LSAMP: variants seen among roughly 807,000 people sequenced by gnomAD.
The protein encoded by LSAMP is limbic system associated membrane protein, also known as limbic system-associated membrane protein.
Under a neutral mutation model 38.6 loss-of-function variants are expected in LSAMP, and 7 were observed. That is an observed-to-expected ratio of 0.18 (90% confidence interval 0.10 to 0.34). The LOEUF (loss-of-function observed/expected upper bound fraction) is 0.34, where lower values mean the gene tolerates loss of function less well. LSAMP is among the 10% of genes least tolerant of loss of function. The pLI, the probability that LSAMP is intolerant of heterozygous loss-of-function variation, is 1.00. For synonymous variants in LSAMP, 154 were observed against 166.8 expected, an observed-to-expected ratio of 0.92 and a Z score of 0.59; for missense variants, 313 against 420.0, an observed-to-expected ratio of 0.75 and a Z score of 2.23.
intron 3 of LSAMP, among the ~76,000 whole-genome samples, chr3:115,860,932 A>G (rs1454710045): frequency 6.6e-6 from 1 of 151,830 alleles, no homozygotes; most frequent in African/African-American, 2.4e-5. Flanking sequence ...TGGTTTGAGG[A>G]CTCTGGATTT....
In LSAMP at chr3:116,169,315, A is replaced by T. The variant is rs539601513; in HGVS notation, c.156-82759T>A. 2.6e-5 allele frequency among the ~76,000 whole-genome samples: 4 copies of T among 152,328 alleles called. No individual in the cohort carries two copies. In the East Asian group the frequency reaches 7.7e-4, roughly 29 times the overall value. On this transcript the variant is annotated intron_variant, in intron 1 of 6. Transcript: ENST00000490035. ...CAAAACTTAAATTGCTTTTCTCCCA[A>T]AATGGCTGTAGTGAATCTAGAAGTG...
chr3:115,922,472 T>C (rs1238365036), intron 3 of LSAMP, among the ~76,000 whole-genome samples: 2 of 152,168 alleles, frequency 1.3e-5, no homozygotes, highest in Non-Finnish European at 2.9e-5. Context: ...TTGTTCATCA[T>C]TATTATTTTG....
intron 1 of LSAMP, among the ~76,000 whole-genome samples, chr3:116,292,566 T>C (rs897147222): frequency 5.3e-5 from 8 of 152,146 alleles, no homozygotes; most frequent in Admixed American, 5.2e-4. Flanking sequence ...GAGAAATCAA[T>C]AGGGCAAGGG....
At chr3:116,149,391 A>T (rs1354524233) in intron 1 of LSAMP, among the ~76,000 whole-genome samples, 1 of 151,940 alleles carries the variant, frequency 6.6e-6, no homozygotes, top group African/African-American at 2.4e-5. Context: ...CCTGACCATT[A>T]AACCTGGCTT....
At chr3:116,309,209 C>G (rs1274748338) in intron 1 of LSAMP, among the ~76,000 whole-genome samples, 2 of 152,084 alleles carry the variant, frequency 1.3e-5, no homozygotes, top group Non-Finnish European at 2.9e-5. Flanking sequence ...ATTTAGTTGA[C>G]AGCATCCTTC....
intron 2 of LSAMP, among the ~76,000 whole-genome samples, chr3:116,026,601 A>G (rs1188689348): frequency 6.6e-6 from 1 of 152,198 alleles, no homozygotes; most frequent in African/African-American, 2.4e-5. Context: ...TTGGACAAGG[A>G]GTGGGTACAA....
At chr3:115,894,745 A>G (rs1936686484) in intron 3 of LSAMP, among the ~76,000 whole-genome samples, 2 of 152,108 alleles carry the variant, frequency 1.3e-5, no homozygotes, top group African/African-American at 4.8e-5. Flanking sequence ...AAAATTTAAA[A>G]TCAATCTTGT....
chr3:116,086,210 A>G (rs1277811628), intron 2 of LSAMP, 114 bp downstream of exon 2: 1 of 886,972 alleles, frequency 1.1e-6, no homozygotes, highest in Non-Finnish European at 1.8e-6. Context: ...CTTAAGTCCA[A>G]TAATATCTTT....
In LSAMP at chr3:116,407,913, G is replaced by A. The variant is rs115930600; in HGVS notation, c.155+36964C>T. On this transcript the variant is annotated intron_variant, in intron 1 of 6. Coordinates refer to ENST00000490035, the MANE Select transcript of LSAMP (RefSeq NM_002338.5). ...TACAAACAGAGTCAGGCTCTAACAA[G>A]TTTCATCCTATTTTATATAGTATTA... 5.4e-3 allele frequency among the ~76,000 whole-genome samples: 822 copies of A among 152,066 alleles called. 2 individuals carry two copies. Among genetic ancestry groups the A allele is most frequent in the Non-Finnish European group, 9.7e-3 (658 of 67,952 alleles).
At chr3:116,299,389 G>A in intron 1 of LSAMP, among the ~76,000 whole-genome samples, 1 of 152,182 alleles carries the variant, frequency 6.6e-6, no homozygotes, top group East Asian at 1.9e-4. Flanking sequence ...AGATTCTGCA[G>A]AACCACACGA....
chr3:116,112,153 A>G (rs1181847568), intron 1 of LSAMP, among the ~76,000 whole-genome samples: 1 of 152,258 alleles, frequency 6.6e-6, no homozygotes, highest in Non-Finnish European at 1.5e-5. Context: ...CTAAATAGCT[A>G]TAACAGAGAA....
At chr3:115,861,882 G>A (rs569540799) in intron 3 of LSAMP, among the ~76,000 whole-genome samples, 59 of 152,238 alleles carry the variant, frequency 3.9e-4, no homozygotes, top group African/African-American at 1.3e-3. Context: ...CTGGAGCAGG[G>A]ACTGCAGAAC....
chr3:116,026,330 A>G (rs1940791836), intron 2 of LSAMP, among the ~76,000 whole-genome samples: 3 of 152,166 alleles, frequency 2.0e-5, no homozygotes, highest in Non-Finnish European at 4.4e-5. Flanking sequence ...CCCAGAGTTG[A>G]CTGTCCAGAG....
intron 1 of LSAMP, among the ~76,000 whole-genome samples, chr3:116,100,717 G>T (rs891284514): frequency 3.9e-5 from 6 of 151,988 alleles, no homozygotes; most frequent in Admixed American, 6.6e-5. Flanking sequence ...AATGTTCGTG[G>T]TCTTTTTACC....
intron 1 of LSAMP, among the ~76,000 whole-genome samples, chr3:116,089,806 TAAAAA>T (rs1708078433): frequency 1.3e-5 from 2 of 151,718 alleles, no homozygotes; most frequent in Admixed American, 1.3e-4. Context: ...AATAAATAAA[TAAAAA>T]TAAAATAAAA....
intron 2 of LSAMP, among the ~76,000 whole-genome samples, chr3:116,083,731 G>T (rs1707921780): frequency 6.6e-6 from 1 of 152,196 alleles, no homozygotes; most frequent in African/African-American, 2.4e-5. Context: ...AGGAAAAAGG[G>T]AGATGTCAGC....
intron 1 of LSAMP, among the ~76,000 whole-genome samples, chr3:116,146,560 T>C (rs1413193073): frequency 6.6e-6 from 1 of 151,922 alleles, no homozygotes; most frequent in Non-Finnish European, 1.5e-5. Flanking sequence ...AAAAATCTAC[T>C]TTTGCTATCA....
At chr3:115,915,729 T>C (rs1368008188) in intron 3 of LSAMP, among the ~76,000 whole-genome samples, 1 of 151,408 alleles carries the variant, frequency 6.6e-6, no homozygotes, top group Non-Finnish European at 1.5e-5. Flanking sequence ...GCCTCCCGGG[T>C]TCAAGCGATT....
At chr3:116,275,541 G>GAA (rs11464897) in intron 1 of LSAMP, among the ~76,000 whole-genome samples, 8 of 151,774 alleles carry the variant, frequency 5.3e-5, no homozygotes, top group South Asian at 2.1e-4. Context: ...GACAACAATA[G>GAA]AAAAAAATCA....
Sources: gnomAD v4.1 joint callset for allele counts (sites outside exome capture counted in the v4.1 genomes callset) on GRCh38, gnomAD v4.1.1 for gene constraint, MANE v1.5 for transcripts, NCBI Gene and HGNC (gene_info 2026-07-23, HGNC 2026-07-21) for gene names.